The following GPHN variants were observed in gnomAD, a reference collection of about 807,000 sequenced individuals.
The protein encoded by GPHN is gephyrin.
GPHN carries 17 observed loss-of-function variants against 95.5 expected under a neutral mutation model. The observed-to-expected ratio is 0.18, with a 90% CI of 0.12 to 0.27. GPHN has a LOEUF of 0.27. Among genes scored for constraint, GPHN ranks in the 10% least tolerant of loss-of-function variants. The pLI is 1.00. For missense variants in GPHN, 660 were observed against 978.1 expected (o/e 0.67, Z 4.34); for synonymous variants, 320 against 322.5 (o/e 0.99, Z 0.08).
At chr14:67,428,885 G>GA in the GPHN span, among the ~76,000 whole-genome samples, 1 of 152,218 alleles carries the variant, frequency 6.6e-6, no homozygotes, top group Non-Finnish European at 1.5e-5. Context: ...GGAGCCAGGT[G>GA]AACTTTGTGC....
intron 1 of GPHN, among the ~76,000 whole-genome samples, chr14:66,530,317 T>C (rs1055245950): frequency 2.0e-5 from 3 of 152,102 alleles, no homozygotes; most frequent in Admixed American, 2.0e-4. Context: ...GGAGTGTCCC[T>C]GGTCAACTTC....
intron 2 of GPHN, among the ~76,000 whole-genome samples, chr14:66,688,058 A>G (rs754787444): frequency 6.6e-6 from 1 of 152,234 alleles, no homozygotes; most frequent in Non-Finnish European, 1.5e-5. Context: ...CTTAACAATG[A>G]CATAAACAGT....
the GPHN span, chr14:67,586,093 C>T: frequency 6.2e-7 from 1 of 1,613,860 alleles, no homozygotes; most frequent in Non-Finnish European, 8.5e-7. Context: ...ATGGCTGCTC[C>T]CAAGGTAGGT....
At chr14:66,815,117 A>G (rs1011454885) in intron 3 of GPHN, among the ~76,000 whole-genome samples, 1 of 152,136 alleles carries the variant, frequency 6.6e-6, no homozygotes, top group Non-Finnish European at 1.5e-5. Context: ...ATAGAAAGGG[A>G]AAAAAAGTAT....
At chr14:66,994,546 C>T (rs547496219) in intron 9 of GPHN, among the ~76,000 whole-genome samples, 2 of 151,992 alleles carry the variant, frequency 1.3e-5, no homozygotes, top group Non-Finnish European at 2.9e-5. Flanking sequence ...GACTTTAATT[C>T]AAAGATAAAG....
chr14:67,094,602 G>A (rs1029980418), intron 12 of GPHN, among the ~76,000 whole-genome samples: 1 of 151,788 alleles, frequency 6.6e-6, no homozygotes, highest in Admixed American at 6.6e-5. Flanking sequence ...TCATGCCTCC[G>A]CTTCTGCCCT....
the GPHN span, among the ~76,000 whole-genome samples, chr14:67,502,741 C>T: frequency 3.3e-5 from 5 of 152,056 alleles, no homozygotes; most frequent in Non-Finnish European, 7.4e-5. Flanking sequence ...CGTGAGCCAC[C>T]GCGCCGGGCC....
chr14:67,620,020 G>A, the GPHN span: 1 of 1,611,804 alleles, frequency 6.2e-7, no homozygotes, highest in Non-Finnish European at 8.5e-7. Context: ...CCAGACGCGA[G>A]TGCATTCCAT....
chr14:66,968,958 G>A (rs916796512), intron 9 of GPHN: 3 of 148,024 alleles, frequency 2.0e-5, no homozygotes, highest in East Asian at 3.8e-4. Context: ...TATATTGACC[G>A]TTTAAGATTC....
At chr14:67,208,722 C>T in the GPHN span, among the ~76,000 whole-genome samples, 1 of 151,816 alleles carries the variant, frequency 6.6e-6, no homozygotes, top group African/African-American at 2.4e-5. Context: ...ATGGTGAAAC[C>T]CTGTCTCTAC....
the GPHN span, among the ~76,000 whole-genome samples, chr14:67,674,155 GGAAGGCCATA>G: frequency 6.6e-6 from 1 of 152,216 alleles, no homozygotes; most frequent in Non-Finnish European, 1.5e-5. Context: ...GAGAAAATGT[GGAAGGCCATA>G]GAAGGATCCC....
chr14:67,433,727 G>A, the GPHN span, among the ~76,000 whole-genome samples: 1 of 152,162 alleles, frequency 6.6e-6, no homozygotes, highest in Non-Finnish European at 1.5e-5. Flanking sequence ...AAGTTGGCCA[G>A]GGTAATAGAA....
At chr14:67,389,555 T>C in the GPHN span, among the ~76,000 whole-genome samples, 1 of 152,176 alleles carries the variant, frequency 6.6e-6, no homozygotes, top group Non-Finnish European at 1.5e-5. Flanking sequence ...CATCTATGTA[T>C]GTATATGAGC....
At chr14:67,292,399 T>C in the GPHN span, 3 of 676,238 alleles carry the variant, frequency 4.4e-6, 1 homozygote, top group South Asian at 5.9e-5. Flanking sequence ...CAGATTTTGG[T>C]ATTTTTCTGA....
chr14:67,338,807 T>C, the GPHN span: 1 of 1,532,530 alleles, frequency 6.5e-7, no homozygotes, highest in Admixed American at 1.9e-5. Flanking sequence ...ACTGTTTCAA[T>C]ATTAAGTAGA....
the GPHN span, among the ~76,000 whole-genome samples, chr14:67,413,531 G>A: frequency 2.6e-5 from 4 of 152,210 alleles, no homozygotes; most frequent in East Asian, 1.9e-4. Context: ...GTGGAAGGCG[G>A]GGGGTGCCTT....
At chr14:67,616,082 T>G in the GPHN span, 1 of 286,944 alleles carries the variant, frequency 3.5e-6, no homozygotes. Context: ...ATGAAGAAGA[T>G]GGTGATGATG....
At chr14:67,350,177 A>G in the GPHN span, among the ~76,000 whole-genome samples, 1 of 152,228 alleles carries the variant, frequency 6.6e-6, no homozygotes, top group Non-Finnish European at 1.5e-5. Flanking sequence ...AAATAATCCA[A>G]TTCTCAAAAA....
chr14:67,006,797 A>G (rs553606484), intron 9 of GPHN, among the ~76,000 whole-genome samples: 2 of 152,300 alleles, frequency 1.3e-5, no homozygotes, highest in South Asian at 4.2e-4. Flanking sequence ...AAAGGATGCC[A>G]GTGAGACCTG....
Sources: allele counts gnomAD v4.1 joint callset (sites outside exome capture counted in the v4.1 genomes callset), GRCh38; gene constraint gnomAD v4.1.1; transcripts MANE v1.5; gene names NCBI Gene and HGNC (gene_info 2026-07-23, HGNC 2026-07-21).